The following GRM1 variants were observed in gnomAD, a reference collection of about 807,000 sequenced individuals.
The protein encoded by GRM1 is metabotropic glutamate receptor 1.
A neutral mutation model predicts 90.9 loss-of-function variants in GRM1; 33 were observed. That is an observed-to-expected ratio of 0.36 (90% CI 0.28 to 0.49). The LOEUF (loss-of-function observed/expected upper bound fraction) is 0.49. Ranked by LOEUF, GRM1 falls within the 20% of genes least tolerant of loss-of-function variation. The probability of loss-of-function intolerance (pLI) is 0.99; values close to 1 mark genes in which losing one functional copy is unlikely to be tolerated. For synonymous variants in GRM1, 700 were observed against 613.2 expected, an observed-to-expected ratio of 1.14 and a Z score of -2.09; for missense variants, 1,190 against 1,534.3, an observed-to-expected ratio of 0.78 and a Z score of 3.75.
At chr6:146,233,218 C>G (rs988899432) in intron 2 of GRM1, among the ~76,000 whole-genome samples, 3 of 151,940 alleles carry the variant, frequency 2.0e-5, no homozygotes, top group South Asian at 4.2e-4. Flanking sequence ...GATTTGTAAT[C>G]TTTTTAAATA....
At chr6:146,332,250 C>T (rs1200806146) in intron 3 of GRM1, among the ~76,000 whole-genome samples, 1 of 152,010 alleles carries the variant, frequency 6.6e-6, no homozygotes, top group African/African-American at 2.4e-5. Flanking sequence ...TGTTATATAA[C>T]AGTTATGTAG....
intron 2 of GRM1, among the ~76,000 whole-genome samples, chr6:146,288,364 A>G (rs1782841645): frequency 6.6e-6 from 1 of 152,224 alleles, no homozygotes; most frequent in Admixed American, 6.5e-5. Context: ...GAGCTTAGCT[A>G]AACTGTGGAA....
chr6:146,383,630 T>A (rs1322390892), intron 5 of GRM1, among the ~76,000 whole-genome samples: 1 of 152,132 alleles, frequency 6.6e-6, no homozygotes, highest in Non-Finnish European at 1.5e-5. Context: ...CTTATACACT[T>A]GCTGAAAATA....
At chr6:146,193,916 A>G (rs1202641164) in intron 2 of GRM1, among the ~76,000 whole-genome samples, 2 of 151,648 alleles carry the variant, frequency 1.3e-5, no homozygotes, top group African/African-American at 2.4e-5. Context: ...GTCTTAGGAC[A>G]TGGACATTCT....
chr6:146,326,169 G>A lies in GRM1; in HGVS notation c.1186+21323G>A, dbSNP rs551126878. ...TTATAAATCACAGTTTTTCACAATA[G>A]CAACGATGTGGAATCAACCTAAATG... On this transcript the variant is annotated intron_variant, in intron 3 of 7. Transcript: ENST00000282753. 1.2e-4 allele frequency among the ~76,000 whole-genome samples: 19 copies of A among 152,260 alleles called. No individual in the cohort carries two copies. The South Asian group carries it at 3.9e-3, about 32-fold the overall frequency.
chr6:146,065,803 G>T (rs1044942543), intron 1 of GRM1, among the ~76,000 whole-genome samples: 1 of 152,158 alleles, frequency 6.6e-6, no homozygotes, highest in Non-Finnish European at 1.5e-5. Context: ...AATGTTGAAG[G>T]AATCATAAAG....
intron 1 of GRM1, among the ~76,000 whole-genome samples, chr6:146,124,103 A>G (rs905322332): frequency 2.6e-5 from 4 of 152,212 alleles, no homozygotes; most frequent in Admixed American, 6.5e-5. Flanking sequence ...ACGTATTTCT[A>G]TATCTTCATA....
At chr6:146,217,830 G>A (rs1779926863) in intron 2 of GRM1, among the ~76,000 whole-genome samples, 1 of 140,362 alleles carries the variant, frequency 7.1e-6, no homozygotes, top group Non-Finnish European at 1.5e-5. Flanking sequence ...ATATTTGCAA[G>A]GTGAAGGCTT....
chr6:146,145,172 T>G (rs1320357766), intron 1 of GRM1, among the ~76,000 whole-genome samples: 1 of 152,168 alleles, frequency 6.6e-6, no homozygotes, highest in Non-Finnish European at 1.5e-5. Flanking sequence ...AATGAAAATA[T>G]TTGGAAAACC....
intron 1 of GRM1, among the ~76,000 whole-genome samples, chr6:146,076,066 A>C (rs1776176348): frequency 6.6e-6 from 1 of 152,218 alleles, no homozygotes; most frequent in Non-Finnish European, 1.5e-5. Flanking sequence ...ACTATGAGAT[A>C]ATTAGCAATG....
At chr6:146,193,901 A>G (rs1033399080) in intron 2 of GRM1, among the ~76,000 whole-genome samples, 21 of 151,880 alleles carry the variant, frequency 1.4e-4, no homozygotes, top group African/African-American at 5.1e-4. Flanking sequence ...GAATGTAACT[A>G]CTAGGTCTTA....
At chr6:146,331,349 C>T (rs992938094) in intron 3 of GRM1, among the ~76,000 whole-genome samples, 4 of 152,142 alleles carry the variant, frequency 2.6e-5, no homozygotes, top group African/African-American at 9.7e-5. Flanking sequence ...AAGAATAAAT[C>T]TCTGTAGAAC....
intron 1 of GRM1, among the ~76,000 whole-genome samples, chr6:146,058,342 T>A (rs949219770): frequency 3.9e-5 from 6 of 152,122 alleles, no homozygotes; most frequent in Non-Finnish European, 5.9e-5. Flanking sequence ...GTCACACCTA[T>A]TTTTTGGTTT....
intron 1 of GRM1, among the ~76,000 whole-genome samples, 173 bp downstream of exon 1, chr6:146,030,390 A>G (rs1390728489): frequency 3.3e-5 from 5 of 152,188 alleles, no homozygotes; most frequent in African/African-American, 1.2e-4. Context: ...CCTTACAATT[A>G]TAGTGTAGGA....
At chr6:146,331,458 G>T (rs1784585955) in intron 3 of GRM1, among the ~76,000 whole-genome samples, 1 of 152,184 alleles carries the variant, frequency 6.6e-6, no homozygotes, top group East Asian at 1.9e-4. Flanking sequence ...AAAGAAGAGA[G>T]ACCATTTCAC....
chr6:146,152,025 G>A (rs1339640835), intron 1 of GRM1, among the ~76,000 whole-genome samples: 1 of 152,066 alleles, frequency 6.6e-6, no homozygotes, highest in Admixed American at 6.6e-5. Flanking sequence ...TTTGTCAGAC[G>A]CTGCTCTTCC....
chr6:146,147,083 A>C (rs1777138738), intron 1 of GRM1, among the ~76,000 whole-genome samples: 1 of 152,148 alleles, frequency 6.6e-6, no homozygotes, highest in Non-Finnish European at 1.5e-5. Flanking sequence ...CTTAAATCTC[A>C]TTGCCTGGAA....
chr6:146,188,577 C>T (rs1377533497), intron 2 of GRM1, among the ~76,000 whole-genome samples: 2 of 152,150 alleles, frequency 1.3e-5, no homozygotes, highest in Admixed American at 6.5e-5. Flanking sequence ...GTTTAATTCT[C>T]CCCATACCCC....
intron 5 of GRM1, among the ~76,000 whole-genome samples, chr6:146,381,762 T>C: frequency 6.6e-6 from 1 of 152,172 alleles, no homozygotes; most frequent in Admixed American, 6.5e-5. Flanking sequence ...TTCTTTTTAG[T>C]CTTTCAGATG....
Sources: allele counts gnomAD v4.1 joint callset (sites outside exome capture counted in the v4.1 genomes callset), GRCh38; gene constraint gnomAD v4.1.1; transcripts MANE v1.5; gene names NCBI Gene and HGNC (gene_info 2026-07-23, HGNC 2026-07-21).